Variants in ATRX observed in about 807,000 individuals in gnomAD.
The protein encoded by ATRX is chromatin remodeler ATRX.
In ATRX, 12 loss-of-function variants were observed where a neutral mutation model predicts 172.6. The observed-to-expected ratio is 0.07, with a 90% confidence interval of 0.04 to 0.11. The LOEUF (loss-of-function observed/expected upper bound fraction) is 0.11, where lower values mean the gene tolerates loss of function less well. Ranked by LOEUF, ATRX falls within the 10% of genes least tolerant of loss-of-function variation. ATRX has a pLI of 1.00. For synonymous variants in ATRX, 674 were observed against 594.7 expected (o/e 1.13, Z -1.94); for missense variants, 1,368 against 1,767.4 (o/e 0.77, Z 4.05).
At chrX:77,630,361 C>G (rs2068053642) in intron 19 of ATRX, among the ~76,000 whole-genome samples, 1 of 111,844 alleles carries the variant, frequency 8.9e-6, no homozygotes, top group South Asian at 3.7e-4. Context: ...AGAATCCCAG[C>G]TAGTTTCTTT....
Position 77,668,838 on chromosome X carries a change from A to G in ATRX, c.3810-4060T>C, listed in dbSNP as rs782349358. On this transcript the variant is annotated intron_variant, in intron 10 of 34. Transcript: ENST00000373344. Reference sequence around the variant, plus strand: ...CACAATGACAAACAAGCAATCGGGGAAAAAAAAAAAAAAACATAGGAGAAA... The same window carrying G: ...CACAATGACAAACAAGCAATCGGGGGAAAAAAAAAAAAAACATAGGAGAAA... Among the ~76,000 whole-genome samples the G allele has an allele frequency of 4.5e-4, 46 of 101,355 alleles. No homozygotes were observed. In the South Asian group the frequency reaches 4.7e-3, roughly 10 times the overall value. 88.0% of individuals were successfully genotyped at this position (101,355 alleles called of 115,157 possible). A position where few individuals can be genotyped will look rare whatever the true frequency, so the allele number is the denominator to read the frequency against.
At chrX:77,566,771 C>A (rs797028767) in intron 28 of ATRX, among the ~76,000 whole-genome samples, 1 of 111,150 alleles carries the variant, frequency 9.0e-6, no homozygotes. Flanking sequence ...GGAATGGCTA[C>A]AATAAGTTCT....
intron 14 of ATRX, 107 bp downstream of exon 14, chrX:77,653,989 AAT>A (rs1485411824): frequency 1.6e-6 from 1 of 621,742 alleles, no homozygotes; most frequent in African/African-American, 2.2e-5. Flanking sequence ...GTAAAATGTA[AAT>A]AAGCCAGTAC....
At chrX:77,668,847 A>C (rs1446269179) in intron 10 of ATRX, among the ~76,000 whole-genome samples, 1 of 110,805 alleles carries the variant, frequency 9.0e-6, no homozygotes, top group Non-Finnish European at 1.9e-5. Context: ...GAAAAAAAAA[A>C]AAAAACATAG....
rs2064485405 is a variant in ATRX at position 77,551,102 on chromosome X, T to C, written c.6699+6349A>G. 3.6e-5 allele frequency among the ~76,000 whole-genome samples: 4 copies of C among 111,440 alleles called. No individual in the cohort carries two copies. In the South Asian group the frequency reaches 1.1e-3, roughly 32 times the overall value. On this transcript the variant is annotated intron_variant, in intron 30 of 34. Transcript: ENST00000373344. ...GCTACCAATGACTTTCTTCACAGAA[T>C]TGGAAAAAACTACTTTAAAGTTCAT...
chrX:77,513,492 G>A (rs990410210), intron 34 of ATRX, among the ~76,000 whole-genome samples: 5 of 109,575 alleles, frequency 4.6e-5, no homozygotes, highest in African/African-American at 1.7e-4. Flanking sequence ...CTTGGTTGGA[G>A]GAGGAAGCTG....
chrX:77,689,845 AC>A (rs1321650450), intron 6 of ATRX, among the ~76,000 whole-genome samples: 1 of 112,242 alleles, frequency 8.9e-6, no homozygotes, highest in Admixed American at 9.5e-5. Context: ...TGCAACCAAG[AC>A]CTTGATCAAA....
chrX:77,527,523 C>G (rs782706831), intron 30 of ATRX, among the ~76,000 whole-genome samples: 1 of 112,257 alleles, frequency 8.9e-6, no homozygotes, highest in South Asian at 3.7e-4. Flanking sequence ...CCACCAGGAC[C>G]TTGGGTCTGA....
chrX:77,688,128 G>A (rs45536236), intron 7 of ATRX, among the ~76,000 whole-genome samples: 12 of 110,091 alleles, frequency 1.1e-4, no homozygotes, highest in Middle Eastern at 4.7e-3. Context: ...TAGTAGACAC[G>A]GGGTTTCACC....
At position 77,655,752 on chromosome X, in the gene ATRX, C is replaced by T. The variant is rs1603102152; in HGVS notation, c.4214+808G>A. On this transcript the variant is annotated intron_variant, in intron 13 of 34. Transcript: ENST00000373344. The stretch of plus-strand genomic sequence containing the variant: ...TCTTATCATTTTCATTTTATATTGA[C>T]TTAAAGTATAATATATTGCTATATT... 3.7e-5 allele frequency among the ~76,000 whole-genome samples: 4 copies of T among 108,413 alleles called. No individual in the cohort carries two copies. The Admixed American group carries it at 4.0e-4, about 11-fold the overall frequency. 94.1% of individuals were successfully genotyped at this position (108,413 alleles called of 115,157 possible).
intron 22 of ATRX, among the ~76,000 whole-genome samples, chrX:77,611,724 A>G (rs934917734): frequency 1.8e-5 from 2 of 111,053 alleles, no homozygotes; most frequent in Non-Finnish European, 3.8e-5. Context: ...AATATTTTTA[A>G]TTAAAAGAAA....
rs2148593950 is a variant in ATRX at position 77,682,680 on chromosome X, C to T, written c.2576G>A (p.Gly859Glu). 8.3e-7 allele frequency: 1 copy of T among 1,209,039 alleles called. No individual in the cohort carries two copies. The highest frequency in any genetic ancestry group is 1.8e-5 in the South Asian group (1 of 56,997). ...SSEDEKHSKKGMDNQGHKNLK... is the reference protein window; with the variant it reads ...SSEDEKHSKKEMDNQGHKNLK... ...ATTTTTGTGCCCTTGATTATCCATT[C>T]CTTTTTTGCTGTGTTTCTCATCTTC... The change falls in exon 9 of 35, where the codon GGA (glycine) becomes GAA (glutamate). Residue 859 changes from glycine to glutamate, a missense_variant. Transcript: ENST00000373344.
chrX:77,547,094 A>G (rs1238017111), intron 30 of ATRX, among the ~76,000 whole-genome samples: 1 of 111,930 alleles, frequency 8.9e-6, no homozygotes, highest in Non-Finnish European at 1.9e-5. Flanking sequence ...AAAAAAGCTT[A>G]CCATTTAATT....
At chrX:77,735,672 G>A (rs782610390) in intron 1 of ATRX, among the ~76,000 whole-genome samples, 8 of 93,134 alleles carry the variant, frequency 8.6e-5, no homozygotes, top group Admixed American at 3.6e-4. Flanking sequence ...CATGGTGGTG[G>A]GCTCTTGTAA....
chrX:77,659,099 T>C (rs1242191666), intron 12 of ATRX, among the ~76,000 whole-genome samples: 1 of 111,273 alleles, frequency 9.0e-6, no homozygotes, highest in Non-Finnish European at 1.9e-5. Context: ...AGAGATTCCA[T>C]TTGGAATGAC....
chrX:77,507,420 A>C lies in ATRX; in HGVS notation c.*931T>G. 1 of 174,417 alleles carries C rather than the reference A, an allele frequency of 5.7e-6. No homozygotes were observed. The highest frequency in any genetic ancestry group is 1.1e-5 in the Non-Finnish European group (1 of 90,702). 14.4% of individuals were successfully genotyped at this position (174,417 alleles called of 1,213,427 possible). The stretch of plus-strand genomic sequence containing the variant: ...TTATAAAACAGGGTGTGAACCTAAC[A>C]ACCACAACTTCAGTGTTAACCTACT... On this transcript the variant is annotated 3_prime_UTR_variant, in exon 35 of 35. Coordinates refer to ENST00000373344, the MANE Select transcript of ATRX (RefSeq NM_000489.6).
At chrX:77,672,148 T>C (rs2148527512) in intron 10 of ATRX, among the ~76,000 whole-genome samples, 1 of 111,288 alleles carries the variant, frequency 9.0e-6, no homozygotes, top group African/African-American at 3.3e-5. Flanking sequence ...AAATACTTAA[T>C]TTAAAACGCC....
intron 27 of ATRX, among the ~76,000 whole-genome samples, chrX:77,589,354 T>A: frequency 8.9e-6 from 1 of 111,907 alleles, no homozygotes; most frequent in East Asian, 2.8e-4. Context: ...TGTTTGTACA[T>A]CTCTGTGAAT....
At chrX:77,532,387 A>G (rs183380890) in intron 30 of ATRX, among the ~76,000 whole-genome samples, 77 of 111,918 alleles carry the variant, frequency 6.9e-4, no homozygotes, top group African/African-American at 2.3e-3. Context: ...GATTTTATCT[A>G]TACCACAAGC....
Sources: gnomAD v4.1 joint callset for allele counts (sites outside exome capture counted in the v4.1 genomes callset) on GRCh38, gnomAD v4.1.1 for gene constraint, MANE v1.5 for transcripts, NCBI Gene and HGNC (gene_info 2026-07-23, HGNC 2026-07-21) for gene names.